PHLDB1: variants seen among roughly 807,000 people sequenced by gnomAD.
PHLDB1 encodes the protein pleckstrin homology-like domain family B member 1.
PHLDB1 carries 65 observed loss-of-function variants against 139.3 expected under a neutral mutation model. That is an observed-to-expected ratio of 0.47 (90% CI 0.38 to 0.57). The LOEUF (loss-of-function observed/expected upper bound fraction) is 0.57, where lower values mean the gene tolerates loss of function less well. Among genes scored for constraint, PHLDB1 ranks in the 20% least tolerant of loss-of-function variants. The pLI is 0.00. For missense variants in PHLDB1, 1,624 were observed against 1,839.7 expected, an observed-to-expected ratio of 0.88 and a Z score of 2.14; for synonymous variants, 679 against 734.5, an observed-to-expected ratio of 0.92 and a Z score of 1.22.
At chr11:118,643,185 C>T (rs547448977) in intron 13 of PHLDB1, among the ~76,000 whole-genome samples, 1 of 152,318 alleles carries the variant, frequency 6.6e-6, no homozygotes, top group Non-Finnish European at 1.5e-5. Flanking sequence ...CTCTGATCAT[C>T]ATCATAGGCC....
intron 3 of PHLDB1, 60 bp from the exon 4 acceptor site, chr11:118,615,981 C>A: frequency 7.0e-7 from 1 of 1,421,034 alleles, no homozygotes; most frequent in Non-Finnish European, 9.8e-7. Flanking sequence ...CCCTCCTTGC[C>A]CTGTCACTGC....
intron 20 of PHLDB1, chr11:118,654,323 C>T (rs1449480398): frequency 5.9e-5 from 9 of 152,222 alleles, no homozygotes; most frequent in African/African-American, 2.2e-4. Context: ...CTCTGACCTC[C>T]AGAGGCTATA....
Position 118,610,531 on chromosome 11 carries a change from G to A in PHLDB1, c.-22+2832G>A. ...GGCCGACCCCCAGGGACACAGGTGAGGCCGGGCGACCCGCGGGGCTCCGGG... is the reference window on the plus strand; with the variant it reads ...GGCCGACCCCCAGGGACACAGGTGAAGCCGGGCGACCCGCGGGGCTCCGGG... On this transcript the variant is annotated intron_variant, in intron 1 of 22. Transcript: ENST00000600882. This position sits in a 1 kb window ranked among gnomAD's most constrained non-coding sequence, Gnocchi z 8.7. The A allele has an allele frequency of 1.0e-6, 1 of 972,774 alleles. No homozygotes were observed. Among genetic ancestry groups the A allele is most frequent in the Non-Finnish European group, 1.2e-6 (1 of 818,300 alleles). The allele number at this position is 972,774 out of a possible 1,614,324, so 60.3% of individuals were successfully genotyped here.
At position 118,620,764 on chromosome 11, in the gene PHLDB1, T is replaced by C. The variant is rs369986694; in HGVS notation, c.356-4170T>C. Among the ~76,000 whole-genome samples, 13 of 152,150 alleles carry C rather than the reference T, an allele frequency of 8.5e-5. 1 individual carries two copies. The highest frequency in any genetic ancestry group is 3.1e-4 in the African/African-American group (13 of 41,508). On this transcript the variant is annotated intron_variant, in intron 4 of 22. Transcript: ENST00000600882. The surrounding 1 kb of genome is among the most constrained non-coding windows in gnomAD (Gnocchi z 4.1). ...GAGTGGGGCCGGAAGAGGAGGTGTT[T>C]AGGGTGGAGACAGGAGGTGGGCTGA...
At chr11:118,625,175 C>A in intron 5 of PHLDB1, 116 bp downstream of exon 5, 3 of 1,230,688 alleles carry the variant, frequency 2.4e-6, no homozygotes, top group Non-Finnish European at 3.3e-6. Context: ...AAGGTCTGGG[C>A]TCACTGCCAC....
In PHLDB1 at chr11:118,627,641, G is replaced by A. The variant is rs1944100163; in HGVS notation, c.818G>A (p.Ser273Asn). The A allele has an allele frequency of 6.2e-7, 1 of 1,612,408 alleles. No individual in the cohort carries two copies. Residue 273 changes from serine (S) to asparagine (N), a missense_variant, in exon 6 of 23, where the codon AGT (serine) becomes AAT (asparagine). By Grantham distance (46) the Ser-to-Asn change is conservative. Coordinates refer to ENST00000600882, the MANE Select transcript of PHLDB1 (RefSeq NM_001144758.3). The stretch of plus-strand genomic sequence containing the variant: ...GGAAGCTGTGCCAGTCACTCACCCA[G>A]TGGGCAAGAGCCAGGACCTTCTGTG... ...SSGSCASHSP[S>N]GQEPGPSVPP...
Position 118,631,319 on chromosome 11 carries a change from C to T in PHLDB1, c.1940C>T (p.Ala647Val). 2 of 1,546,124 alleles carry T rather than the reference C, an allele frequency of 1.3e-6. No homozygotes were observed. The highest frequency in any genetic ancestry group is 1.7e-6 in the Non-Finnish European group (2 of 1,149,512). Residue 647 changes from alanine to valine, a missense_variant, in exon 7 of 23, where the codon GCA becomes GTA. Transcript: ENST00000600882. ...ATTGGGGAGGCCACCGCAGCATTGG[C>T]ACTGGCAGGCCGGAGGCCCTCACGA... The part of the protein sequence containing the change: ...PSIGEATAAL[A>V]LAGRRPSRGL...
intron 5 of PHLDB1, among the ~76,000 whole-genome samples, chr11:118,625,677 T>A (rs1386426787): frequency 6.6e-6 from 1 of 152,150 alleles, no homozygotes; most frequent in Non-Finnish European, 1.5e-5. Flanking sequence ...TTTAGATGGC[T>A]ATGGGGTGAC....
At chr11:118,631,774 G>A in intron 7 of PHLDB1, 139 bp from the exon 8 acceptor site, 1 of 1,017,628 alleles carries the variant, frequency 9.8e-7, no homozygotes, top group Non-Finnish European at 1.4e-6. Flanking sequence ...GGTGGGGGTT[G>A]CGGGGGGGCA....
intron 22 of PHLDB1, 22 bp downstream of exon 22, chr11:118,655,914 T>C (rs1948991643): frequency 6.3e-7 from 1 of 1,590,202 alleles, no homozygotes. Flanking sequence ...CACTTAGCTG[T>C]AACCAGCACA....
rs1241409781 is a variant in PHLDB1, at chr11:118,611,331, AT to A, written c.-21-2484del. On this transcript the variant is annotated intron_variant, in intron 1 of 22. Coordinates refer to ENST00000600882, the MANE Select transcript of PHLDB1 (RefSeq NM_001144758.3). The surrounding 1 kb of genome is among the most constrained non-coding windows in gnomAD (Gnocchi z 4.7). ...ATCTTCTCCCCACACCTCTCTCCTT[AT>A]CTCTCCCTTTACTTTCGCCTCCTTA... Among the ~76,000 whole-genome samples the A allele has an allele frequency of 2.6e-5, 4 of 151,782 alleles. No individual in the cohort carries two copies. The highest frequency in any genetic ancestry group is 4.4e-5 in the Non-Finnish European group (3 of 67,914).
In PHLDB1 at chr11:118,614,696, G is replaced by A; in HGVS notation, c.184+14G>A. The A allele has an allele frequency of 6.2e-7, 1 of 1,612,918 alleles. No individual in the cohort carries two copies. The stretch of plus-strand genomic sequence containing the variant: ...CGCTGGAGGAAGGTAAGTGTGAACA[G>A]GGCATCTCACTCACCACCCCTCTAT... On this transcript the variant is annotated intron_variant, in intron 3 of 22. Transcript: ENST00000600882.
chr11:118,611,962 A>G lies in PHLDB1; in HGVS notation c.-21-1854A>G, dbSNP rs955862784. 2.0e-5 allele frequency among the ~76,000 whole-genome samples: 3 copies of G among 152,110 alleles called. No homozygotes were observed. Among genetic ancestry groups the G allele is most frequent in the Non-Finnish European group, 2.9e-5 (2 of 68,024 alleles). On this transcript the variant is annotated intron_variant, in intron 1 of 22. Transcript: ENST00000600882. This position sits in a 1 kb window ranked among gnomAD's most constrained non-coding sequence, Gnocchi z 4.7. The stretch of plus-strand genomic sequence containing the variant: ...TTTATTGAGGTATAATTTATATACT[A>G]TAACATCCACCCAATTTAAGTATGC...
intron 1 of PHLDB1, among the ~76,000 whole-genome samples, chr11:118,612,212 G>T (rs111255098): frequency 6.6e-6 from 1 of 152,106 alleles, no homozygotes; most frequent in Non-Finnish European, 1.5e-5. Flanking sequence ...TAAATAACTT[G>T]TCTAGGATCT....
Position 118,627,641 on chromosome 11 carries a change from G to C in PHLDB1, c.818G>C (p.Ser273Thr). ...SSGSCASHSPSGQEPGPSVPP... is the reference protein window; with the variant it reads ...SSGSCASHSPTGQEPGPSVPP... ...GGAAGCTGTGCCAGTCACTCACCCA[G>C]TGGGCAAGAGCCAGGACCTTCTGTG... is the stretch of plus-strand genomic sequence containing the variant. The change falls in exon 6 of 23, where the codon AGT becomes ACT. Residue 273 changes from serine (S) to threonine (T), a missense_variant. By Grantham distance (58) the Ser-to-Thr change is moderately conservative (BLOSUM62 1). Coordinates refer to ENST00000600882, the MANE Select transcript of PHLDB1 (RefSeq NM_001144758.3). The C allele has an allele frequency of 1.2e-6, 2 of 1,612,408 alleles. No individual in the cohort carries two copies. The highest frequency in any genetic ancestry group is 8.5e-7 in the Non-Finnish European group (1 of 1,180,028).
At chr11:118,630,038 T>G (rs1555108478) in intron 6 of PHLDB1, 1 of 1,286,670 alleles carries the variant, frequency 7.8e-7, no homozygotes, top group Non-Finnish European at 1.0e-6. Context: ...GTTTTTTTTT[T>G]TTTTTTTTGC....
chr11:118,635,070 C>T (rs782222610), intron 9 of PHLDB1: 2 of 508,040 alleles, frequency 3.9e-6, no homozygotes, highest in East Asian at 4.3e-5. Flanking sequence ...CACCGCCCCC[C>T]CTCCCCCGGC....
intron 1 of PHLDB1, chr11:118,613,365 C>T: frequency 1.0e-6 from 1 of 987,224 alleles, no homozygotes; most frequent in African/African-American, 1.7e-5. Flanking sequence ...CAGGAGGGAG[C>T]TCCTGTTTTA....
chr11:118,625,200 TGGAGAATGCCA>T, intron 5 of PHLDB1, 141 bp downstream of exon 5: 2 of 1,032,394 alleles, frequency 1.9e-6, no homozygotes, highest in Non-Finnish European at 2.7e-6. Context: ...CATGGGCGGG[TGGAGAATGCCA>T]GGCAGTGGGG....
Sources: allele counts gnomAD v4.1 joint callset (sites outside exome capture counted in the v4.1 genomes callset), GRCh38; gene constraint gnomAD v4.1.1; non-coding constraint Gnocchi (gnomAD v3.1); transcripts MANE v1.5; gene names NCBI Gene and HGNC (gene_info 2026-07-23, HGNC 2026-07-21).